Variants in BACE2 observed in about 807,000 individuals in gnomAD.
BACE2 encodes beta-secretase 2, also known as 56 kDa aspartic-like protease.
Under a neutral mutation model 46.2 loss-of-function variants are expected in BACE2, and 17 were observed. That is an observed-to-expected ratio of 0.37 (90% CI 0.25 to 0.55). The LOEUF (loss-of-function observed/expected upper bound fraction) is 0.55. Among genes scored for constraint, BACE2 ranks in the 20% least tolerant of loss-of-function variants. The pLI is 0.82. For missense variants in BACE2, 595 were observed against 698.1 expected, an observed-to-expected ratio of 0.85 and a Z score of 1.66; for synonymous variants, 277 against 295.9, an observed-to-expected ratio of 0.94 and a Z score of 0.66.
intron 2 of BACE2, among the ~76,000 whole-genome samples, chr21:41,228,410 C>G (rs747738700): frequency 1.3e-5 from 2 of 152,134 alleles, no homozygotes; most frequent in Non-Finnish European, 2.9e-5. Context: ...AGAGAATACC[C>G]AAGGCTGGGG....
chr21:41,278,235 T>G lies in BACE2; in HGVS notation c.*2611T>G, dbSNP rs1473478134. On this transcript the variant is annotated 3_prime_UTR_variant, in exon 9 of 9. Transcript: ENST00000330333. The stretch of plus-strand genomic sequence containing the variant: ...AGTCTGATGGGAAATGAATAGATGC[T>G]GCTTTATTTCCTTGATAACTTCTTT... 2 of 152,276 alleles carry G rather than the reference T, an allele frequency of 1.3e-5. No homozygotes were observed. Among genetic ancestry groups the G allele is most frequent in the African/African-American group, 4.8e-5 (2 of 41,476 alleles). The allele number at this position is 152,276 out of a possible 1,614,324, so 9.4% of individuals were successfully genotyped here.
At chr21:41,274,960 T>TTAC (rs2088469017) in intron 8 of BACE2, among the ~76,000 whole-genome samples, 1 of 152,186 alleles carries the variant, frequency 6.6e-6, no homozygotes, top group Non-Finnish European at 1.5e-5. Flanking sequence ...CTTTCTGCGG[T>TTAC]AAATTCTCCT....
intron 1 of BACE2, among the ~76,000 whole-genome samples, chr21:41,200,193 A>AG (rs1190376752): frequency 1.3e-4 from 19 of 147,376 alleles, no homozygotes; most frequent in African/African-American, 5.0e-4. Context: ...GTATAATTAA[A>AG]AAAAAAAACA....
intron 1 of BACE2, among the ~76,000 whole-genome samples, chr21:41,219,593 C>CCTGT (rs1311970782): frequency 6.6e-6 from 1 of 152,148 alleles, no homozygotes; most frequent in Non-Finnish European, 1.5e-5. Flanking sequence ...AAGAGAGAAC[C>CCTGT]CTGTCCTTCA....
At position 41,278,876 on chromosome 21, in the gene BACE2, C is replaced by A. The variant is rs2088517054; in HGVS notation, c.*3252C>A. 1.3e-5 allele frequency: 2 copies of A among 152,114 alleles called. No homozygotes were observed. The highest frequency in any genetic ancestry group is 2.1e-4 in the South Asian group (1 of 4,824). The allele number at this position is 152,114 out of a possible 1,614,324, so 9.4% of individuals were successfully genotyped here. On this transcript the variant is annotated 3_prime_UTR_variant, in exon 9 of 9. Coordinates refer to ENST00000330333, the MANE Select transcript of BACE2 (RefSeq NM_012105.5). Reference sequence around the variant, plus strand: ...GTTGTTCAACAGTCTGTTCCACAAACAACAGTAATTGAATTTCACAGACTT... The same window carrying A: ...GTTGTTCAACAGTCTGTTCCACAAAAAACAGTAATTGAATTTCACAGACTT...
At chr21:41,255,435 A>C (rs1987755154) in intron 7 of BACE2, among the ~76,000 whole-genome samples, 3 of 152,216 alleles carry the variant, frequency 2.0e-5, no homozygotes, top group Admixed American at 2.0e-4. Context: ...ACAGTGCCTG[A>C]GAAGGAGCAG....
chr21:41,248,156 G>A (rs557275653), intron 6 of BACE2, among the ~76,000 whole-genome samples: 3 of 152,176 alleles, frequency 2.0e-5, no homozygotes, highest in Non-Finnish European at 4.4e-5. Flanking sequence ...CGACCCTGCC[G>A]CAGTGCCCGC....
At chr21:41,247,056 A>G (rs189385249) in intron 6 of BACE2, among the ~76,000 whole-genome samples, 1 of 152,154 alleles carries the variant, frequency 6.6e-6, no homozygotes, top group Non-Finnish European at 1.5e-5. Context: ...TGTTTCCTGC[A>G]CAAAGCCTGT....
At chr21:41,203,488 T>C (rs7277920) in intron 1 of BACE2, among the ~76,000 whole-genome samples, 44,059 of 151,372 alleles carry the variant, frequency 0.29, 10,429 homozygotes, top group African/African-American at 0.66. Context: ...TTGAGGAAGG[T>C]GGGGGAGTGC....
chr21:41,264,729 C>T (rs1988025343), intron 8 of BACE2, among the ~76,000 whole-genome samples: 1 of 152,096 alleles, frequency 6.6e-6, no homozygotes, highest in Non-Finnish European at 1.5e-5. Context: ...CACCAGGCCC[C>T]ATCTCCAACA....
chr21:41,220,925 T>C (rs1457108600), intron 1 of BACE2, among the ~76,000 whole-genome samples: 1 of 151,658 alleles, frequency 6.6e-6, no homozygotes, highest in African/African-American at 2.4e-5. Flanking sequence ...CCAGGTGTGG[T>C]GACTCATGCC....
intron 1 of BACE2, chr21:41,180,460 A>G (rs1985076380): frequency 6.0e-6 from 1 of 167,852 alleles, no homozygotes; most frequent in East Asian, 1.9e-4. Flanking sequence ...AGGAGTAAAA[A>G]TCTCTGGATA....
chr21:41,275,169 C>T (rs1314424039), intron 8 of BACE2, among the ~76,000 whole-genome samples: 1 of 152,108 alleles, frequency 6.6e-6, no homozygotes, highest in Non-Finnish European at 1.5e-5. Flanking sequence ...TAAAACATGC[C>T]GTCGTTCCAG....
At chr21:41,264,512 G>A (rs1337008163) in intron 8 of BACE2, among the ~76,000 whole-genome samples, 4 of 151,992 alleles carry the variant, frequency 2.6e-5, no homozygotes, top group Non-Finnish European at 4.4e-5. Flanking sequence ...TCTGCTTCTC[G>A]GGAGGCCTCA....
At chr21:41,256,959 G>T (rs1003105545) in intron 7 of BACE2, among the ~76,000 whole-genome samples, 199 bp from the exon 8 acceptor site, 4 of 152,162 alleles carry the variant, frequency 2.6e-5, no homozygotes, top group African/African-American at 7.2e-5. Context: ...CACCTGTGCT[G>T]TCACTGATCA....
At chr21:41,262,989 G>T (rs761424359) in intron 8 of BACE2, among the ~76,000 whole-genome samples, 1 of 145,562 alleles carries the variant, frequency 6.9e-6, no homozygotes, top group Non-Finnish European at 1.5e-5. Flanking sequence ...TATATTTTTT[G>T]TGATGCCCTC....
intron 1 of BACE2, among the ~76,000 whole-genome samples, chr21:41,200,417 A>C (rs750445): frequency 0.15 from 22,541 of 152,126 alleles, 1,912 homozygotes; most frequent in African/African-American, 0.22. Context: ...AGCCAAGCGA[A>C]TGTGGACTCC....
chr21:41,244,407 G>A (rs1009008269), intron 5 of BACE2, among the ~76,000 whole-genome samples: 15 of 152,126 alleles, frequency 9.9e-5, no homozygotes, highest in African/African-American at 3.6e-4. Flanking sequence ...ATAAGATTTG[G>A]GTAGGTAGTG....
intron 1 of BACE2, chr21:41,179,222 A>T: frequency 8.7e-7 from 1 of 1,145,742 alleles, no homozygotes; most frequent in South Asian, 1.6e-5. Flanking sequence ...GGTGTCCAGG[A>T]TGAGGAGTGA....
Sources: allele counts gnomAD v4.1 joint callset (sites outside exome capture counted in the v4.1 genomes callset), GRCh38; gene constraint gnomAD v4.1.1; transcripts MANE v1.5; gene names NCBI Gene and HGNC (gene_info 2026-07-23, HGNC 2026-07-21).